ANKRD11: variants seen among roughly 807,000 people sequenced by gnomAD.
ANKRD11 encodes the protein ankyrin repeat domain 11.
Under a neutral mutation model 195.7 loss-of-function variants are expected in ANKRD11, and 17 were observed. The observed-to-expected ratio is 0.09, with a 90% confidence interval of 0.06 to 0.13. The LOEUF is 0.13. ANKRD11 is among the 10% of genes least tolerant of loss of function. The pLI is 1.00. For missense variants in ANKRD11, 3,735 were observed against 3,566.1 expected (o/e 1.05, Z -1.21); for synonymous variants, 1,953 against 1,528.1 (o/e 1.28, Z -6.49).
rs1305421290 is a variant in ANKRD11, at chr16:89,281,008, C to A, written c.5534G>T (p.Cys1845Phe). 3 of 1,584,140 alleles carry A rather than the reference C, an allele frequency of 1.9e-6. No individual in the cohort carries two copies. Among genetic ancestry groups the A allele is most frequent in the Non-Finnish European group, 2.6e-6 (3 of 1,163,638 alleles). ...LPPVPAEKFA[C>F]LSPGYYSPDY... ...TGGGGAGTAGTACCCTGGCGACAAGCAGGCAAACTTCTCCGCGGGAACCGG... is the reference window on the plus strand; with the variant it reads ...TGGGGAGTAGTACCCTGGCGACAAGAAGGCAAACTTCTCCGCGGGAACCGG... Residue 1845 changes from cysteine to phenylalanine, a missense_variant, in exon 9 of 13, where the codon TGC (cysteine) becomes TTC (phenylalanine). Cys to Phe is a radical substitution (Grantham distance 205). Transcript: ENST00000301030. This position sits in a 1 kb window ranked among gnomAD's most constrained non-coding sequence, Gnocchi z 5.5.
At chr16:89,361,580 C>T (rs1047403458) in intron 2 of ANKRD11, 2 of 152,290 alleles carry the variant, frequency 1.3e-5, no homozygotes. Context: ...CCAGAAGGCT[C>T]TGCAGGCAGC....
chr16:89,453,662 C>A (rs2056293048), intron 1 of ANKRD11, among the ~76,000 whole-genome samples: 1 of 152,146 alleles, frequency 6.6e-6, no homozygotes, highest in Admixed American at 6.5e-5. Context: ...CACGAAAAAA[C>A]ATATGGGAAA....
intron 1 of ANKRD11, among the ~76,000 whole-genome samples, chr16:89,466,794 C>T (rs760723761): frequency 6.6e-6 from 1 of 152,182 alleles, no homozygotes; most frequent in Non-Finnish European, 1.5e-5. Flanking sequence ...ACAAAAGATG[C>T]AAAGAGCCAA....
At position 89,290,081 on chromosome 16, in the gene ANKRD11, T is replaced by C. The variant is rs1459480262; in HGVS notation, c.601+544A>G. Among the ~76,000 whole-genome samples, 3 of 152,320 alleles carry C rather than the reference T, an allele frequency of 2.0e-5. No individual in the cohort carries two copies. In the East Asian group the frequency reaches 5.8e-4, roughly 29 times the overall value. On this transcript the variant is annotated intron_variant, in intron 6 of 12. Coordinates refer to ENST00000301030, the MANE Select transcript of ANKRD11 (RefSeq NM_013275.6). ...CAAACAAGTTTACTTTGAAATACTTTCCAAGAAACACTGATTTCTTCTCAG... is the reference window on the plus strand; with the variant it reads ...CAAACAAGTTTACTTTGAAATACTTCCCAAGAAACACTGATTTCTTCTCAG...
chr16:89,485,100 A>C (rs2057563387), intron 1 of ANKRD11, among the ~76,000 whole-genome samples: 1 of 152,102 alleles, frequency 6.6e-6, no homozygotes, highest in Admixed American at 6.6e-5. Context: ...AGGCCCCTGA[A>C]AAATCTCAGC....
At chr16:89,332,668 G>A (rs1567661253) in intron 2 of ANKRD11, among the ~76,000 whole-genome samples, 1 of 152,016 alleles carries the variant, frequency 6.6e-6, no homozygotes, top group African/African-American at 2.4e-5. Context: ...CAAACACAAC[G>A]AGAGAGGCGC....
chr16:89,305,998 C>T lies in ANKRD11; in HGVS notation c.88-654G>A, dbSNP rs1346762236. 1.5e-3 allele frequency among the ~76,000 whole-genome samples: 11 copies of T among 7,426 alleles called. No homozygotes were observed. In the East Asian group the frequency reaches 0.03, roughly 21 times the overall value. 4.9% of individuals were successfully genotyped at this position (7,426 alleles called of 152,430 possible). A position where few individuals can be genotyped will look rare whatever the true frequency, so the allele number is the denominator to read the frequency against. On this transcript the variant is annotated intron_variant, in intron 3 of 12. Transcript: ENST00000301030. ...CTCCGCAGACACGCGCCACCCACCT[C>T]CCACTCCGCAGACACGCGCCACCCA...
intron 1 of ANKRD11, among the ~76,000 whole-genome samples, chr16:89,456,473 G>A (rs1271889706): frequency 2.0e-5 from 3 of 151,532 alleles, no homozygotes; most frequent in Admixed American, 1.3e-4. Flanking sequence ...ACTTGAACCC[G>A]GGAGGCGGAG....
chr16:89,482,081 G>A (rs1189712654), intron 1 of ANKRD11, among the ~76,000 whole-genome samples: 1 of 152,156 alleles, frequency 6.6e-6, no homozygotes, highest in African/African-American at 2.4e-5. Context: ...GGAGGCCACA[G>A]CACTGCACCC....
chr16:89,466,813 G>T lies in ANKRD11; in HGVS notation c.-145+23432C>A, dbSNP rs574435781. ...AAGATGCAAAGAGCCAAGTGTGGGC[G>T]GCAGGGGCCCTCCCGCAACTCGGGC... On this transcript the variant is annotated intron_variant, in intron 1 of 12. Transcript: ENST00000301030. 2.6e-5 allele frequency among the ~76,000 whole-genome samples: 4 copies of T among 152,314 alleles called. No individual in the cohort carries two copies. In the East Asian group the frequency reaches 7.7e-4, roughly 29 times the overall value.
intron 2 of ANKRD11, among the ~76,000 whole-genome samples, chr16:89,347,598 G>A (rs1364056500): frequency 3.7e-5 from 5 of 133,494 alleles, no homozygotes; most frequent in African/African-American, 5.7e-5. Context: ...GCGACAGAGC[G>A]AGACTCCGTA....
At chr16:89,277,873 G>C (rs867075824) in intron 9 of ANKRD11, 2 of 155,770 alleles carry the variant, frequency 1.3e-5, no homozygotes, top group African/African-American at 4.8e-5. Context: ...CACCAGGGGG[G>C]TGCTGGGTAG....
chr16:89,405,030 C>G (rs1300302699), intron 2 of ANKRD11, among the ~76,000 whole-genome samples: 1 of 152,096 alleles, frequency 6.6e-6, no homozygotes, highest in Non-Finnish European at 1.5e-5. Context: ...CTCTCCCATC[C>G]CACCAGAGCC....
chr16:89,423,332 C>T (rs1285665411), intron 1 of ANKRD11, among the ~76,000 whole-genome samples: 1 of 152,268 alleles, frequency 6.6e-6, no homozygotes, highest in African/African-American at 2.4e-5. Context: ...GCTGACTAAC[C>T]AGCACCATTA....
chr16:89,315,397 C>T (rs1178418138), intron 3 of ANKRD11, among the ~76,000 whole-genome samples: 6 of 152,212 alleles, frequency 3.9e-5, no homozygotes, highest in Admixed American at 3.9e-4. Context: ...CACCGGGAAG[C>T]GTGACCTGCC....
intron 2 of ANKRD11, among the ~76,000 whole-genome samples, chr16:89,319,203 C>T (rs957044766): frequency 4.6e-5 from 7 of 152,234 alleles, no homozygotes; most frequent in Non-Finnish European, 1.0e-4. Context: ...ACAGCTCTGG[C>T]GTGGTCAGGG....
At chr16:89,298,542 G>A (rs889681266) in intron 4 of ANKRD11, among the ~76,000 whole-genome samples, 5 of 152,172 alleles carry the variant, frequency 3.3e-5, no homozygotes, top group African/African-American at 9.7e-5. Flanking sequence ...GCCCCTGCCC[G>A]CCCCCCTCAC....
At position 89,462,646 on chromosome 16, in the gene ANKRD11, T is replaced by A. The variant is rs1179666987; in HGVS notation, c.-145+27599A>T. On this transcript the variant is annotated intron_variant, in intron 1 of 12. Coordinates refer to ENST00000301030, the MANE Select transcript of ANKRD11 (RefSeq NM_013275.6). The stretch of plus-strand genomic sequence containing the variant: ...GAGGAGCACCTCTTCCCGGCCGCCA[T>A]CACATCTAGGAAGTGAGGAGCGTCT... Among the ~76,000 whole-genome samples the A allele has an allele frequency of 2.2e-5, 3 of 139,142 alleles. No homozygotes were observed. The South Asian group carries it at 7.1e-4, about 33-fold the overall frequency. 91.3% of individuals were successfully genotyped at this position (139,142 alleles called of 152,430 possible).
intron 2 of ANKRD11, among the ~76,000 whole-genome samples, chr16:89,385,833 G>A (rs1455711289): frequency 6.6e-6 from 1 of 152,256 alleles, no homozygotes; most frequent in Admixed American, 6.5e-5. Flanking sequence ...AGAGGCCGGG[G>A]ATTAGGCCAG....
Sources: gnomAD v4.1 joint callset for allele counts (sites outside exome capture counted in the v4.1 genomes callset) on GRCh38, gnomAD v4.1.1 for gene constraint, Gnocchi (gnomAD v3.1) non-coding constraint, MANE v1.5 for transcripts, NCBI Gene and HGNC (gene_info 2026-07-23, HGNC 2026-07-21) for gene names.